Variants in SDC3 observed in about 807,000 individuals in gnomAD.
The protein encoded by SDC3 is syndecan-3.
In SDC3, 13 loss-of-function variants were observed where a neutral mutation model predicts 24.4. The observed-to-expected ratio is 0.53, with a 90% CI of 0.35 to 0.85. The LOEUF (loss-of-function observed/expected upper bound fraction) is 0.85. Ranked by LOEUF, SDC3 falls within the 40% of genes least tolerant of loss-of-function variation. The pLI, the probability that SDC3 is intolerant of heterozygous loss-of-function variation, is 0.01. For missense variants in SDC3, 571 were observed against 584.5 expected (o/e 0.98, Z 0.24); for synonymous variants, 295 against 260.9 (o/e 1.13, Z -1.26).
intron 1 of SDC3, among the ~76,000 whole-genome samples, chr1:30,883,299 G>A (rs1267024959): frequency 2.0e-5 from 3 of 152,218 alleles, no homozygotes; most frequent in Admixed American, 2.0e-4. Context: ...CCCCTGTGCA[G>A]CGCTAATCAT....
chr1:30,908,978 C>T (rs1029922278), upstream of SDC3, among the ~76,000 whole-genome samples: 1 of 151,870 alleles, frequency 6.6e-6, no homozygotes, highest in Non-Finnish European at 1.5e-5. Context: ...CCGGCCTCGC[C>T]GATCCCGGGG....
chr1:30,893,205 C>T lies in SDC3; in HGVS notation c.139-14465G>A, dbSNP rs113844565. On this transcript the variant is annotated intron_variant, in intron 1 of 4. Coordinates refer to ENST00000339394, the MANE Select transcript of SDC3 (RefSeq NM_014654.4). The stretch of plus-strand genomic sequence containing the variant: ...CCCATGCAATCTCTGTGCACCTCCA[C>T]GGTGCCCCAGGCAGTGTGGAATGTT... Among the ~76,000 whole-genome samples, 514 of 149,800 alleles carry T rather than the reference C, an allele frequency of 3.4e-3. 3 individuals are homozygous for T. Among genetic ancestry groups the T allele is most frequent in the African/African-American group, 0.01 (417 of 40,844 alleles).
rs1225527957 is a variant in SDC3 at position 30,870,614 on chromosome 1, G to T, written c.*2597C>A. The T allele has an allele frequency of 6.6e-6, 1 of 152,294 alleles. No individual in the cohort carries two copies. The highest frequency in any genetic ancestry group is 1.5e-5 in the Non-Finnish European group (1 of 68,106). The allele number at this position is 152,294 out of a possible 1,614,324, so 9.4% of individuals were successfully genotyped here. ...TCAGGAGGATAAAGCCTGGACATCT[G>T]CCTTGGGTCCAGGGATCCATGAACA... On this transcript the variant is annotated 3_prime_UTR_variant, in exon 5 of 5. Coordinates refer to ENST00000339394, the MANE Select transcript of SDC3 (RefSeq NM_014654.4).
chr1:30,908,610 CG>C lies in SDC3; in HGVS notation c.-25del. 1 of 920,752 alleles carries C rather than the reference CG, an allele frequency of 1.1e-6. No homozygotes were observed. The highest frequency in any genetic ancestry group is 1.3e-6 in the Non-Finnish European group (1 of 775,416). The allele number at this position is 920,752 out of a possible 1,614,324, so 57.0% of individuals were successfully genotyped here. ...ATGGCGGCGGCGCGGGCGCGGGCGG[CG>C]GGCGGCGGGCGGGCGCCTTTGTTCC... is the stretch of plus-strand genomic sequence containing the variant. On this transcript the variant is annotated 5_prime_UTR_variant, in exon 1 of 5. Transcript: ENST00000339394.
At chr1:30,903,114 A>G (rs1362739715) in intron 1 of SDC3, among the ~76,000 whole-genome samples, 3 of 152,080 alleles carry the variant, frequency 2.0e-5, no homozygotes, top group African/African-American at 7.2e-5. Context: ...ACCAAGTCAC[A>G]CCCCATCTCT....
Position 30,876,881 on chromosome 1 carries a change from C to T in SDC3, c.541G>A (p.Ala181Thr). The change falls in exon 3 of 5, where the codon GCC becomes ACC. Residue 181 changes from alanine to threonine, a missense_variant. This residue lies in a region of SDC3 where 497 missense variants were observed against 471.6 expected (regional missense o/e 1.05). Coordinates refer to ENST00000339394, the MANE Select transcript of SDC3 (RefSeq NM_014654.4). ...TGDPTVATVP[A>T]TVATATPSTP... Reference sequence around the variant, plus strand: ...CTGGGGGTGGCGGTGGCCACTGTGGCAGGCACTGTGGCCACAGTCGGGTCC... The same window carrying T: ...CTGGGGGTGGCGGTGGCCACTGTGGTAGGCACTGTGGCCACAGTCGGGTCC... 1 of 1,613,564 alleles carries T rather than the reference C, an allele frequency of 6.2e-7. No homozygotes were observed. Among genetic ancestry groups the T allele is most frequent in the Non-Finnish European group, 8.5e-7 (1 of 1,179,786 alleles).
At position 30,908,475 on chromosome 1, in the gene SDC3, G is replaced by T; in HGVS notation, c.112C>A (p.Leu38Met). ...CCCGCGGCGCGCCCCGCCAGCAGCA[G>T]CAGCAGCAGCGGTGGCAGGAGCAGC... ...RGLLLPPLLLLLLAGRAAGAQ... is the reference protein window; with the variant it reads ...RGLLLPPLLLMLLAGRAAGAQ... Residue 38 changes from leucine (L) to methionine (M), a missense_variant, in exon 1 of 5, where the codon CTG becomes ATG. By Grantham distance (15) the Leu-to-Met change is conservative. Coordinates refer to ENST00000339394, the MANE Select transcript of SDC3 (RefSeq NM_014654.4). The T allele has an allele frequency of 9.7e-7, 1 of 1,030,986 alleles. No individual in the cohort carries two copies. Among genetic ancestry groups the T allele is most frequent in the Non-Finnish European group, 1.2e-6 (1 of 857,136 alleles). 63.9% of individuals were successfully genotyped at this position (1,030,986 alleles called of 1,614,324 possible). A position where few individuals can be genotyped will look rare whatever the true frequency, so the allele number is the denominator to read the frequency against.
rs1329892816 is a variant in SDC3, at chr1:30,873,106, C to T, written c.*105G>A. ...CCTTGGGAGAGAGGGCAGAGAAGAA[C>T]TGGGGCCAGGTTCCAGGCCCAGTCC... is the stretch of plus-strand genomic sequence containing the variant. On this transcript the variant is annotated 3_prime_UTR_variant, in exon 5 of 5. Coordinates refer to ENST00000339394, the MANE Select transcript of SDC3 (RefSeq NM_014654.4). 1.2e-6 allele frequency: 1 copy of T among 814,192 alleles called. No homozygotes were observed. The highest frequency in any genetic ancestry group is 2.1e-6 in the Non-Finnish European group (1 of 480,630). The allele number at this position is 814,192 out of a possible 1,614,324, so 50.4% of individuals were successfully genotyped here.
At position 30,908,526 on chromosome 1, in the gene SDC3, C is replaced by G; in HGVS notation, c.61G>C (p.Ala21Pro). ...CCGCGGGCCCCGGGCCCGGCCGCGG[C>G]CCCGGCCCCGGCGCCGGCCCCGTGG... Reference protein sequence around the residue: ...AAHGAGAGAGAAAGPGARGLL... With the variant: ...AAHGAGAGAGPAAGPGARGLL... Residue 21 changes from alanine to proline, a missense_variant, in exon 1 of 5, where the codon GCC becomes CCC. By Grantham distance (27) the Ala-to-Pro change is conservative (BLOSUM62 -1). Transcript: ENST00000339394. 1 of 961,964 alleles carries G rather than the reference C, an allele frequency of 1.0e-6. No individual in the cohort carries two copies. The highest frequency in any genetic ancestry group is 1.2e-6 in the Non-Finnish European group (1 of 814,134). 59.6% of individuals were successfully genotyped at this position (961,964 alleles called of 1,614,324 possible).
At chr1:30,903,639 A>G (rs1260850001) in intron 1 of SDC3, among the ~76,000 whole-genome samples, 1 of 152,020 alleles carries the variant, frequency 6.6e-6, no homozygotes, top group Non-Finnish European at 1.5e-5. Context: ...GGGCTGTGGG[A>G]GAATTAAGTG....
At chr1:30,901,165 CCCT>C (rs1410935680) in intron 1 of SDC3, among the ~76,000 whole-genome samples, 5 of 152,128 alleles carry the variant, frequency 3.3e-5, no homozygotes, top group African/African-American at 1.2e-4. Flanking sequence ...TCCCACCAGC[CCCT>C]CAAGAGTGGT....
Position 30,871,294 on chromosome 1 carries a change from G to T in SDC3, c.*1917C>A. On this transcript the variant is annotated 3_prime_UTR_variant, in exon 5 of 5. Coordinates refer to ENST00000339394, the MANE Select transcript of SDC3 (RefSeq NM_014654.4). Reference sequence around the variant, plus strand: ...ACCTGCCTTCCTGACTTGAATCTGGGATGTGGGTGAGGGGTGGGGGTGTGA... The same window carrying T: ...ACCTGCCTTCCTGACTTGAATCTGGTATGTGGGTGAGGGGTGGGGGTGTGA... 6.6e-6 allele frequency: 1 copy of T among 152,356 alleles called. No homozygotes were observed. The allele number at this position is 152,356 out of a possible 1,614,324, so 9.4% of individuals were successfully genotyped here.
intron 1 of SDC3, among the ~76,000 whole-genome samples, chr1:30,900,942 T>A (rs1238655134): frequency 1.3e-5 from 2 of 152,020 alleles, no homozygotes; most frequent in Admixed American, 1.3e-4. Flanking sequence ...CCATGGCCCA[T>A]CCAAAAGCAG....
chr1:30,886,666 C>G (rs1639833601), intron 1 of SDC3, among the ~76,000 whole-genome samples: 1 of 152,138 alleles, frequency 6.6e-6, no homozygotes, highest in South Asian at 2.1e-4. Flanking sequence ...CTCCTGAACC[C>G]CTGAGAATGC....
chr1:30,876,843 T>G lies in SDC3; in HGVS notation c.579A>C (p.Ala193=), dbSNP rs1569992836. The change falls in exon 3 of 5, where the codon GCA becomes GCC. Residue 193 remains alanine (A), a synonymous_variant. Coordinates refer to ENST00000339394, the MANE Select transcript of SDC3 (RefSeq NM_014654.4). ...CAGCAGTGGTGGCCGTAAAAGGGGG[T>G]GCTGCAGGGGTGCTGGGGGTGGCGG... ...VATATPSTPA[A]PPFTATTAVI... is the part of the protein sequence containing the mutation. 1.9e-6 allele frequency: 3 copies of G among 1,611,918 alleles called. No homozygotes were observed. The highest frequency in any genetic ancestry group is 2.5e-6 in the Non-Finnish European group (3 of 1,179,252).
chr1:30,883,806 G>C (rs573098628), intron 1 of SDC3, among the ~76,000 whole-genome samples: 4 of 152,076 alleles, frequency 2.6e-5, no homozygotes, highest in Non-Finnish European at 5.9e-5. Flanking sequence ...CATTCAGAGA[G>C]GTAAAGTGAT....
chr1:30,878,189 C>T (rs534956588), intron 2 of SDC3: 2 of 159,480 alleles, frequency 1.3e-5, no homozygotes, highest in African/African-American at 4.8e-5. Flanking sequence ...CCTTCTCTCC[C>T]GAGATTCTGC....
intron 1 of SDC3, among the ~76,000 whole-genome samples, chr1:30,893,895 G>A (rs1293532537): frequency 6.6e-6 from 1 of 152,106 alleles, no homozygotes. Context: ...GGAATCCAAG[G>A]TTGGTTTTTT....
chr1:30,907,838 C>G (rs1638556315), intron 1 of SDC3, among the ~76,000 whole-genome samples: 1 of 152,264 alleles, frequency 6.6e-6, no homozygotes, highest in African/African-American at 2.4e-5. Context: ...CTCCCCTTCC[C>G]GGGCCCACTG....
Sources: gnomAD v4.1 joint callset for allele counts (sites outside exome capture counted in the v4.1 genomes callset) on GRCh38, gnomAD v4.1.1 for gene constraint, gnomAD v4.1.1 regional missense constraint, MANE v1.5 for transcripts, NCBI Gene and HGNC (gene_info 2026-07-23, HGNC 2026-07-21) for gene names.